The following CYTH3 variants were observed in gnomAD, a reference collection of about 807,000 sequenced individuals.
CYTH3 encodes cytohesin-3.
CYTH3 carries 23 observed loss-of-function variants against 55.1 expected under a neutral mutation model. That is an observed-to-expected ratio of 0.42 (90% CI 0.30 to 0.59). The LOEUF is 0.59. Ranked by LOEUF, CYTH3 falls within the 20% of genes least tolerant of loss-of-function variation. CYTH3 has a pLI of 0.20. For synonymous variants in CYTH3, 249 were observed against 194.9 expected (o/e 1.28, Z -2.31); for missense variants, 413 against 524.8 (o/e 0.79, Z 2.08).
chr7:6,255,734 C>G (rs1780082875), intron 1 of CYTH3, among the ~76,000 whole-genome samples: 1 of 148,938 alleles, frequency 6.7e-6, no homozygotes, highest in African/African-American at 2.5e-5. Context: ...GTTAGTGTGA[C>G]TACCCAAGTT....
At chr7:6,223,921 T>C (rs76706875) in intron 1 of CYTH3, among the ~76,000 whole-genome samples, 2 of 150,320 alleles carry the variant, frequency 1.3e-5, no homozygotes, top group Non-Finnish European at 2.9e-5. Flanking sequence ...AGACAGATCA[T>C]GTACACAACT....
intron 1 of CYTH3, among the ~76,000 whole-genome samples, chr7:6,231,745 CATG>C (rs919372235): frequency 2.6e-5 from 4 of 152,186 alleles, no homozygotes; most frequent in Non-Finnish European, 5.9e-5. Context: ...TAGATATTAA[CATG>C]ATTATTATCC....
intron 5 of CYTH3, among the ~76,000 whole-genome samples, chr7:6,175,180 G>C (rs1205533944): frequency 6.6e-6 from 1 of 152,160 alleles, no homozygotes; most frequent in Non-Finnish European, 1.5e-5. Flanking sequence ...TGTTACCCAG[G>C]ATGGCCTGTG....
At chr7:6,208,390 T>C (rs1002186379) in intron 1 of CYTH3, among the ~76,000 whole-genome samples, 1 of 152,192 alleles carries the variant, frequency 6.6e-6, no homozygotes, top group East Asian at 1.9e-4. Context: ...AGAATCACTG[T>C]AGTGGCATGT....
At chr7:6,193,674 A>G (rs1216247358) in intron 1 of CYTH3, among the ~76,000 whole-genome samples, 1 of 152,178 alleles carries the variant, frequency 6.6e-6, no homozygotes, top group African/African-American at 2.4e-5. Flanking sequence ...AGGGTCAACT[A>G]AAATAAGGAG....
chr7:6,194,929 C>T (rs766738221), intron 1 of CYTH3, among the ~76,000 whole-genome samples: 23 of 151,898 alleles, frequency 1.5e-4, no homozygotes, highest in African/African-American at 1.9e-4. Context: ...GAGCCGAGAT[C>T]GCGTCATTGC....
intron 1 of CYTH3, among the ~76,000 whole-genome samples, chr7:6,190,810 C>T (rs1484762857): frequency 1.3e-5 from 2 of 152,134 alleles, no homozygotes; most frequent in Admixed American, 6.5e-5. Context: ...GGCACGGTGG[C>T]TCATGCCTGT....
rs140452972 is a variant in CYTH3, at chr7:6,213,078, C to G, written c.35-22547G>C. Among the ~76,000 whole-genome samples the G allele has an allele frequency of 1.4e-4, 21 of 152,324 alleles. No homozygotes were observed. In the East Asian group the frequency reaches 4.0e-3, roughly 29 times the overall value. ...ACTTATTGTTTAGTTTATGTCTCCTCCTATAAGAATGTCAACTCCCAAGGA... is the reference window on the plus strand; with the variant it reads ...ACTTATTGTTTAGTTTATGTCTCCTGCTATAAGAATGTCAACTCCCAAGGA... On this transcript the variant is annotated intron_variant, in intron 1 of 12. Transcript: ENST00000350796.
chr7:6,170,729 G>T lies in CYTH3; in HGVS notation c.712-83C>A, dbSNP rs1022365484. On this transcript the variant is annotated intron_variant, in intron 8 of 12. Coordinates refer to ENST00000350796, the MANE Select transcript of CYTH3 (RefSeq NM_004227.4). The surrounding 1 kb of genome is among the most constrained non-coding windows in gnomAD (Gnocchi z 7.8). ...GCAGAAAGCTCAGCGGGACCAGGGC[G>T]GCAAGGAGGCTTGGGAGGCGTGTCT... 3.4e-5 allele frequency: 53 copies of T among 1,566,784 alleles called. No homozygotes were observed. The highest frequency in any genetic ancestry group is 4.2e-5 in the Non-Finnish European group (49 of 1,153,722).
intron 1 of CYTH3, among the ~76,000 whole-genome samples, chr7:6,228,989 C>G (rs957614191): frequency 6.6e-6 from 1 of 152,122 alleles, no homozygotes; most frequent in Non-Finnish European, 1.5e-5. Context: ...AGGGCACATA[C>G]GAACAGGATA....
rs1473099106 is a variant in CYTH3, at chr7:6,171,141, G to GC, written c.562+60dup. 5 of 1,592,552 alleles carry GC rather than the reference G, an allele frequency of 3.1e-6. No homozygotes were observed. The highest frequency in any genetic ancestry group is 4.3e-6 in the Non-Finnish European group (5 of 1,161,904). ...ACGCTGGGCTGTGCCCACAGGGGCC[G>GC]CCCCCTCCAGAGCTGGAGGCTGTGC... On this transcript the variant is annotated intron_variant, in intron 7 of 12. Coordinates refer to ENST00000350796, the MANE Select transcript of CYTH3 (RefSeq NM_004227.4). The surrounding 1 kb of genome is among the most constrained non-coding windows in gnomAD (Gnocchi z 6.7).
chr7:6,229,343 CAG>C (rs1448912931), intron 1 of CYTH3, among the ~76,000 whole-genome samples: 2 of 152,160 alleles, frequency 1.3e-5, no homozygotes, highest in Non-Finnish European at 1.5e-5. Flanking sequence ...TCACTGATAT[CAG>C]GTGTGCTCAT....
chr7:6,268,002 T>C (rs1302379257), intron 1 of CYTH3, among the ~76,000 whole-genome samples: 3 of 152,212 alleles, frequency 2.0e-5, no homozygotes, highest in African/African-American at 7.2e-5. Context: ...TTCCCACCTA[T>C]ATTCCCCATC....
Position 6,262,796 on chromosome 7 carries a change from G to A in CYTH3, c.34+9678C>T, listed in dbSNP as rs1780384128. On this transcript the variant is annotated intron_variant, in intron 1 of 12. Coordinates refer to ENST00000350796, the MANE Select transcript of CYTH3 (RefSeq NM_004227.4). ...AAGCTTAGCACAGTGGCACATGCCT[G>A]TAGTCCTAGCTACTCGGGAGGCTGA... 3.3e-5 allele frequency among the ~76,000 whole-genome samples: 5 copies of A among 152,236 alleles called. No homozygotes were observed. The South Asian group carries it at 1.0e-3, about 31-fold the overall frequency.
chr7:6,210,958 C>A (rs1275881692), intron 1 of CYTH3, among the ~76,000 whole-genome samples: 5 of 152,166 alleles, frequency 3.3e-5, no homozygotes, highest in Admixed American at 3.3e-4. Context: ...ATGGAGAAAT[C>A]GATATTCCGG....
At chr7:6,222,653 G>A (rs1194147671) in intron 1 of CYTH3, among the ~76,000 whole-genome samples, 1 of 151,686 alleles carries the variant, frequency 6.6e-6, no homozygotes, top group African/African-American at 2.4e-5. Flanking sequence ...AGGCTGAGGT[G>A]GGAGAATGGC....
intron 1 of CYTH3, among the ~76,000 whole-genome samples, chr7:6,214,189 T>G (rs2128549861): frequency 6.6e-6 from 1 of 152,300 alleles, no homozygotes; most frequent in East Asian, 1.9e-4. Context: ...AACGGCCATG[T>G]GATAAAGCAC....
At chr7:6,249,679 A>G (rs6942707) in intron 1 of CYTH3, among the ~76,000 whole-genome samples, 17,162 of 152,208 alleles carry the variant, frequency 0.11, 2,769 homozygotes, top group African/African-American at 0.36. Flanking sequence ...GTTACACTCT[A>G]TCCTTTGCAA....
At chr7:6,194,936 T>C (rs181526604) in intron 1 of CYTH3, among the ~76,000 whole-genome samples, 59 of 151,968 alleles carry the variant, frequency 3.9e-4, no homozygotes, top group Admixed American at 7.2e-4. Context: ...GATCGCGTCA[T>C]TGCACTCCAG....
Sources: gnomAD v4.1 joint callset for allele counts (sites outside exome capture counted in the v4.1 genomes callset) on GRCh38, gnomAD v4.1.1 for gene constraint, Gnocchi (gnomAD v3.1) non-coding constraint, MANE v1.5 for transcripts, NCBI Gene and HGNC (gene_info 2026-07-23, HGNC 2026-07-21) for gene names.